Variants in IQSEC3 observed in about 807,000 individuals in gnomAD.
IQSEC3 encodes IQ motif and Sec7 domain ArfGEF 3, also known as IQ motif and SEC7 domain-containing protein 3.
IQSEC3 carries 50 observed loss-of-function variants against 105.4 expected under a neutral mutation model. That is an observed-to-expected ratio of 0.47 (90% CI 0.38 to 0.60). IQSEC3 has a LOEUF of 0.60. Among genes scored for constraint, IQSEC3 ranks in the 20% least tolerant of loss-of-function variants. The probability of loss-of-function intolerance (pLI) is 0.00; values close to 1 mark genes in which losing one functional copy is unlikely to be tolerated. For synonymous variants in IQSEC3, 708 were observed against 746.0 expected (o/e 0.95, Z 0.83); for missense variants, 1,415 against 1,630.0 (o/e 0.87, Z 2.27).
At chr12:163,088 G>A (rs1565446944) in intron 8 of IQSEC3, among the ~76,000 whole-genome samples, 4 of 151,926 alleles carry the variant, frequency 2.6e-5, no homozygotes, top group Admixed American at 1.3e-4. Context: ...AGCCTCAGAC[G>A]AGGAGAGAGA....
intron 5 of IQSEC3, among the ~76,000 whole-genome samples, chr12:153,757 G>C (rs1555093310): frequency 6.6e-6 from 1 of 152,166 alleles, no homozygotes; most frequent in Non-Finnish European, 1.5e-5. Flanking sequence ...CCGATAGCCA[G>C]GTGGGGACAC....
intron 1 of IQSEC3, 70 bp from the exon 2 acceptor site, chr12:99,076 C>CT (rs1864333916): frequency 7.1e-7 from 1 of 1,405,130 alleles, no homozygotes; most frequent in Admixed American, 2.0e-5. Flanking sequence ...GGCAGAAATG[C>CT]TTTAGTGTCA....
At chr12:147,206 T>C (rs1462641523) in intron 5 of IQSEC3, among the ~76,000 whole-genome samples, 2 of 151,928 alleles carry the variant, frequency 1.3e-5, no homozygotes, top group African/African-American at 4.8e-5. Context: ...TCTAGAAGGG[T>C]CTTCCGGGGT....
Position 165,848 on chromosome 12 carries a change from T to G in IQSEC3, c.2929T>G (p.Ser977Ala), listed in dbSNP as rs1156950280. ...MQKFVEDLKE[S>A]IAEVTELEQI... ...GAAGTTCGTGGAGGACCTGAAGGAG[T>G]CCATTGCTGAGGTGACGGAGCTGGA... Residue 977 changes from serine (S) to alanine (A), a missense_variant, in exon 11 of 14, where the codon TCC becomes GCC. By Grantham distance (99) the Ser-to-Ala change is moderately conservative. Around this residue, in one of 6 missense-constraint regions of IQSEC3, gnomAD observed 419 missense variants for 436.2 expected, o/e 0.96. Transcript: ENST00000538872. The G allele has an allele frequency of 2.2e-5, 36 of 1,613,328 alleles. No homozygotes were observed. The highest frequency in any genetic ancestry group is 3.1e-5 in the Non-Finnish European group (36 of 1,179,882).
chr12:92,709 TCA>T (rs1320019179), intron 1 of IQSEC3, among the ~76,000 whole-genome samples: 1 of 152,212 alleles, frequency 6.6e-6, no homozygotes, highest in East Asian at 1.9e-4. Flanking sequence ...GCTGTAGGCC[TCA>T]GTTTCCACCA....
chr12:75,317 A>AT (rs1385510869), intron 1 of IQSEC3, among the ~76,000 whole-genome samples: 1 of 152,204 alleles, frequency 6.6e-6, no homozygotes, highest in Non-Finnish European at 1.5e-5. Context: ...GTCTAAATGT[A>AT]TTTTTAGCTC....
rs782211674 is a variant in IQSEC3 at position 163,549 on chromosome 12, C to T, written c.2639C>T (p.Thr880Met). 16 of 1,611,698 alleles carry T rather than the reference C, an allele frequency of 9.9e-6. No individual in the cohort carries two copies. Among genetic ancestry groups the T allele is most frequent in the South Asian group, 4.4e-5 (4 of 91,014 alleles). The part of the protein sequence containing the change: ...LVCCSRLFEV[T>M]DVNKLQKQAA... ...TGCTGCAGCCGGCTCTTCGAGGTGACGGATGTGAACAAGCTGCAGAAGCAG... is the reference window on the plus strand; with the variant it reads ...TGCTGCAGCCGGCTCTTCGAGGTGATGGATGTGAACAAGCTGCAGAAGCAG... Residue 880 changes from threonine (T) to methionine (M), a missense_variant, in exon 9 of 14, where the codon ACG (threonine) becomes ATG (methionine). By Grantham distance (81) the Thr-to-Met change is moderately conservative. Around this residue, in one of 6 missense-constraint regions of IQSEC3, gnomAD observed 419 missense variants for 436.2 expected, o/e 0.96. Transcript: ENST00000538872.
chr12:128,632 T>G (rs1446557550), intron 3 of IQSEC3, among the ~76,000 whole-genome samples: 2 of 152,134 alleles, frequency 1.3e-5, no homozygotes, highest in Non-Finnish European at 2.9e-5. Context: ...GCCTCTGCTC[T>G]AGCCCCAAGC....
intron 2 of IQSEC3, among the ~76,000 whole-genome samples, chr12:99,935 C>T (rs1312041170): frequency 6.6e-6 from 1 of 151,636 alleles, no homozygotes; most frequent in East Asian, 1.9e-4. Context: ...GTGCTCCCCA[C>T]CCGCCCCCCG....
intron 3 of IQSEC3, among the ~76,000 whole-genome samples, chr12:130,467 T>A (rs530885394): frequency 3.9e-5 from 6 of 152,206 alleles, no homozygotes; most frequent in African/African-American, 1.4e-4. Context: ...GTTTCGACCC[T>A]GTACCTTCCA....
intron 5 of IQSEC3, among the ~76,000 whole-genome samples, chr12:145,290 T>C (rs1555090659): frequency 2.0e-5 from 3 of 152,204 alleles, no homozygotes; most frequent in African/African-American, 7.2e-5. Context: ...TCTTTTTCTA[T>C]TAGAGACAGG....
At chr12:107,129 C>G (rs559574791) in intron 2 of IQSEC3, among the ~76,000 whole-genome samples, 1 of 152,288 alleles carries the variant, frequency 6.6e-6, no homozygotes, top group African/African-American at 2.4e-5. Context: ...GGGACACTTT[C>G]CATAATTCCT....
At chr12:125,066 T>C (rs977791417) in intron 2 of IQSEC3, among the ~76,000 whole-genome samples, 1 of 152,124 alleles carries the variant, frequency 6.6e-6, no homozygotes, top group African/African-American at 2.4e-5. Flanking sequence ...TCCAGACTCA[T>C]TTGGTCAGTC....
chr12:144,938 C>A (rs1866199754), intron 5 of IQSEC3, among the ~76,000 whole-genome samples: 1 of 152,210 alleles, frequency 6.6e-6, no homozygotes, highest in Non-Finnish European at 1.5e-5. Context: ...CTCAAGAGAA[C>A]CCCTCACCTC....
chr12:128,766 C>T (rs1441197421), intron 3 of IQSEC3, among the ~76,000 whole-genome samples: 1 of 152,184 alleles, frequency 6.6e-6, no homozygotes, highest in Non-Finnish European at 1.5e-5. Context: ...TCCTGTGCTT[C>T]CCCTTCTTTG....
At chr12:160,689 G>T (rs897509256) in intron 7 of IQSEC3, among the ~76,000 whole-genome samples, 24 of 152,132 alleles carry the variant, frequency 1.6e-4, no homozygotes, top group African/African-American at 5.1e-4. Flanking sequence ...CCAATTCCCA[G>T]CCCACCTTCA....
At chr12:107,203 T>C (rs1864684446) in intron 2 of IQSEC3, among the ~76,000 whole-genome samples, 2 of 152,162 alleles carry the variant, frequency 1.3e-5, no homozygotes, top group Admixed American at 1.3e-4. Flanking sequence ...AGGCCAAATC[T>C]GGGTATAATT....
chr12:80,966 G>T (rs185503559), intron 1 of IQSEC3, among the ~76,000 whole-genome samples: 18 of 152,328 alleles, frequency 1.2e-4, no homozygotes, highest in South Asian at 8.3e-4. Flanking sequence ...CACAGGGAGA[G>T]GCGCCTGAGG....
At chr12:167,250 C>T (rs1206969768) in intron 11 of IQSEC3, 3 of 152,172 alleles carry the variant, frequency 2.0e-5, no homozygotes, top group Admixed American at 6.5e-5. Flanking sequence ...AATGGCTTCA[C>T]GTCTCTCATT....
Sources: allele counts gnomAD v4.1 joint callset (sites outside exome capture counted in the v4.1 genomes callset), GRCh38; gene constraint gnomAD v4.1.1; regional missense constraint gnomAD v4.1.1; transcripts MANE v1.5; gene names NCBI Gene and HGNC (gene_info 2026-07-23, HGNC 2026-07-21).